KCNQ5: variants seen among roughly 807,000 people sequenced by gnomAD.
KCNQ5 encodes potassium voltage-gated channel subfamily KQT member 5.
In KCNQ5, 30 loss-of-function variants were observed where a neutral mutation model predicts 98.2. The observed-to-expected ratio is 0.31, with a 90% CI of 0.23 to 0.41. The LOEUF is 0.41. KCNQ5 is among the 10% of genes least tolerant of loss of function. KCNQ5 has a pLI of 1.00. For missense variants in KCNQ5, 835 were observed against 1,182.5 expected, an observed-to-expected ratio of 0.71 and a Z score of 4.31; for synonymous variants, 458 against 449.4, an observed-to-expected ratio of 1.02 and a Z score of -0.24.
At chr6:73,166,771 C>T (rs1378763725) in intron 10 of KCNQ5, among the ~76,000 whole-genome samples, 1 of 152,146 alleles carries the variant, frequency 6.6e-6, no homozygotes, top group African/African-American at 2.4e-5. Context: ...TCTCTCCTAA[C>T]GATTGGTGGG....
chr6:73,081,378 A>C (rs1425326365), intron 5 of KCNQ5, among the ~76,000 whole-genome samples: 3 of 152,198 alleles, frequency 2.0e-5, no homozygotes, highest in Non-Finnish European at 4.4e-5. Flanking sequence ...TTCCAGATTT[A>C]TTCTGAAATA....
chr6:72,787,045 G>T (rs1338237205), intron 1 of KCNQ5, among the ~76,000 whole-genome samples: 1 of 149,888 alleles, frequency 6.7e-6, no homozygotes, highest in Non-Finnish European at 1.5e-5. Flanking sequence ...GAGAATCCTG[G>T]TTCATTTGTG....
At chr6:73,166,540 C>CA (rs5877358) in intron 10 of KCNQ5, among the ~76,000 whole-genome samples, 106,749 of 150,774 alleles carry the variant, frequency 0.71, 39,091 homozygotes, top group African/African-American at 0.88. Context: ...TTATTACTAT[C>CA]ATCATCATTA....
intron 1 of KCNQ5, among the ~76,000 whole-genome samples, chr6:72,689,471 A>G (rs1396861372): frequency 1.3e-5 from 2 of 152,246 alleles, no homozygotes. Context: ...CATCTGGCAG[A>G]TGGGGAATCC....
chr6:72,745,136 GT>G (rs1414697457), intron 1 of KCNQ5, among the ~76,000 whole-genome samples: 2 of 152,098 alleles, frequency 1.3e-5, no homozygotes, highest in African/African-American at 4.8e-5. Flanking sequence ...CTGTGTCTCT[GT>G]TTTTCTTGCA....
intron 8 of KCNQ5, 65 bp downstream of exon 8, chr6:73,120,642 C>T: frequency 2.0e-6 from 2 of 978,506 alleles, no homozygotes; most frequent in Non-Finnish European, 1.6e-6. Context: ...ACAAACCATA[C>T]CCACACACAC....
chr6:72,726,227 TC>T (rs1352202848), intron 1 of KCNQ5, among the ~76,000 whole-genome samples: 11 of 141,622 alleles, frequency 7.8e-5, no homozygotes, highest in African/African-American at 2.4e-4. Context: ...TTTTTTTTTT[TC>T]GAGATGGAGT....
intron 1 of KCNQ5, among the ~76,000 whole-genome samples, chr6:72,862,064 C>G (rs995733612): frequency 2.6e-5 from 4 of 152,136 alleles, no homozygotes; most frequent in African/African-American, 7.2e-5. Context: ...GGCTCAGACT[C>G]TATGTGAACT....
intron 1 of KCNQ5, among the ~76,000 whole-genome samples, chr6:72,937,934 A>C (rs747587282): frequency 6.6e-6 from 1 of 152,192 alleles, no homozygotes; most frequent in Non-Finnish European, 1.5e-5. Flanking sequence ...CTATGTAGTC[A>C]AAAGGCTTTA....
intron 1 of KCNQ5, chr6:72,986,828 G>C: frequency 1.7e-6 from 2 of 1,157,862 alleles, no homozygotes; most frequent in Admixed American, 1.7e-5. Context: ...AACAAAGGGG[G>C]CCCAGGACCC....
intron 1 of KCNQ5, among the ~76,000 whole-genome samples, chr6:72,773,971 A>G (rs1220755453): frequency 6.6e-6 from 1 of 152,160 alleles, no homozygotes; most frequent in Non-Finnish European, 1.5e-5. Flanking sequence ...CTTACTGGTC[A>G]TCTTATTTAT....
chr6:72,690,805 T>A (rs1423165306), intron 1 of KCNQ5, among the ~76,000 whole-genome samples: 1 of 152,174 alleles, frequency 6.6e-6, no homozygotes. Context: ...GCAGTTTTTT[T>A]TCCATTCTTC....
chr6:72,996,645 C>T (rs1208211725), intron 1 of KCNQ5, among the ~76,000 whole-genome samples: 3 of 152,166 alleles, frequency 2.0e-5, no homozygotes, highest in Non-Finnish European at 4.4e-5. Context: ...TGAAACCAAA[C>T]TTTTGCTGTA....
At chr6:72,655,313 A>C (rs1458878200) in intron 1 of KCNQ5, among the ~76,000 whole-genome samples, 1 of 151,964 alleles carries the variant, frequency 6.6e-6, no homozygotes, top group African/African-American at 2.4e-5. Flanking sequence ...TTGACTTCCC[A>C]TTTTTTAGCA....
In KCNQ5 at chr6:72,825,130, AC is replaced by A. The variant is rs147496537; in HGVS notation, c.399-178777del. ...CTAGAAGAAGGCTAGGGAGAAAAAA[AC>A]AAAACAAAACAACAACAACAACAAA... On this transcript the variant is annotated intron_variant, in intron 1 of 13. Transcript: ENST00000370398. Among the ~76,000 whole-genome samples, 1,479 of 152,138 alleles carry A rather than the reference AC, an allele frequency of 9.7e-3. 21 individuals carry two copies. Among genetic ancestry groups the A allele is most frequent in the African/African-American group, 0.033 (1,377 of 41,490 alleles).
chr6:73,100,503 A>G (rs899313350), intron 5 of KCNQ5, among the ~76,000 whole-genome samples: 2 of 58,400 alleles, frequency 3.4e-5, no homozygotes, highest in African/African-American at 5.7e-5. Flanking sequence ...TGTCTCTACT[A>G]AAAAATACAA....
chr6:73,082,545 C>T (rs9446834), intron 5 of KCNQ5, among the ~76,000 whole-genome samples: 31,069 of 152,020 alleles, frequency 0.2, 6,965 homozygotes, highest in African/African-American at 0.56. Context: ...TGTCCAATAT[C>T]GTGATGTAAA....
chr6:72,746,255 A>G (rs953822378), intron 1 of KCNQ5, among the ~76,000 whole-genome samples: 2 of 152,102 alleles, frequency 1.3e-5, no homozygotes, highest in Non-Finnish European at 2.9e-5. Context: ...CCAGAAATTT[A>G]TGCCAGTTAC....
intron 1 of KCNQ5, among the ~76,000 whole-genome samples, chr6:72,883,305 ATGTTGTTGT>A (rs565781521): frequency 3.9e-5 from 6 of 151,934 alleles, no homozygotes; most frequent in East Asian, 3.9e-4. Context: ...CAAAAGAACA[ATGTTGTTGT>A]TGTTGTTGTT....
Sources: allele counts gnomAD v4.1 joint callset (sites outside exome capture counted in the v4.1 genomes callset), GRCh38; gene constraint gnomAD v4.1.1; transcripts MANE v1.5; gene names NCBI Gene and HGNC (gene_info 2026-07-23, HGNC 2026-07-21).